Variants in BRCA2 observed in about 807,000 individuals in gnomAD.
BRCA2 encodes breast cancer type 2 susceptibility protein.
A neutral mutation model predicts 276.7 loss-of-function variants in BRCA2; 203 were observed. The ratio of observed to expected loss-of-function variants is 0.73; its 90% confidence interval spans 0.65 to 0.82. The LOEUF (loss-of-function observed/expected upper bound fraction) is 0.82, where lower values mean the gene tolerates loss of function less well. BRCA2 is among the 40% of genes least tolerant of loss of function. The probability of loss-of-function intolerance (pLI) is 0.00; values close to 1 mark genes in which losing one functional copy is unlikely to be tolerated. For synonymous variants in BRCA2, 1,289 were observed against 1,338.4 expected (o/e 0.96, Z 0.81); for missense variants, 3,920 against 3,915.0 (o/e 1.00, Z -0.03).
rs2137499994 is a variant in BRCA2, at chr13:32,338,142, A to G, written c.3787A>G (p.Ser1263Gly). ...AEVHPISLSS[S>G]KCHDSVVSMF... ...GGTACATCCAATAAGTTTATCTTCA[A>G]GTAAATGTCATGATTCTGTTGTTTC... is the stretch of plus-strand genomic sequence containing the variant. Residue 1263 changes from serine to glycine, a missense_variant, in exon 11 of 27, where the codon AGT becomes GGT. Around this residue, in one of 2 missense-constraint regions of BRCA2, gnomAD observed 3,263 missense variants for 3,156.9 expected, o/e 1.03. Transcript: ENST00000380152. The G allele has an allele frequency of 6.2e-7, 1 of 1,602,702 alleles. No individual in the cohort carries two copies. The highest frequency in any genetic ancestry group is 8.5e-7 in the Non-Finnish European group (1 of 1,173,916).
rs992256070 is a variant in BRCA2 at position 32,341,288 on chromosome 13, T to C, written c.6841+92T>C. ...GGTATGCTAACAATTAAGAGTGTTA[T>C]AAACTATGTCTTTTCAGCCATTTTT... is the stretch of plus-strand genomic sequence containing the variant. On this transcript the variant is annotated intron_variant, in intron 11 of 26. Coordinates refer to ENST00000380152, the MANE Select transcript of BRCA2 (RefSeq NM_000059.4). The C allele has an allele frequency of 5.1e-6, 8 of 1,575,358 alleles. No homozygotes were observed. In the Admixed American group the frequency reaches 1.0e-4, roughly 20 times the overall value.
intron 17 of BRCA2, 57 bp from the exon 18 acceptor site, chr13:32,363,122 A>T (rs1380854537): frequency 1.1e-5 from 16 of 1,419,964 alleles, no homozygotes; most frequent in Non-Finnish European, 1.6e-5. Flanking sequence ...ACTTGTTTAA[A>T]CAGTGGAATT....
At position 32,398,339 on chromosome 13, in the gene BRCA2, A is replaced by G. The variant is rs2073051443; in HGVS notation, c.9826A>G (p.Arg3276Gly). ...KKRRALDFLS[R>G]LPLPPPVSPI... ...GAGAAGAGCCTTGGATTTCTTGAGTAGACTGCCTTTACCTCCACCTGTTAG... is the reference window on the plus strand; with the variant it reads ...GAGAAGAGCCTTGGATTTCTTGAGTGGACTGCCTTTACCTCCACCTGTTAG... The change falls in exon 27 of 27, where the codon AGA becomes GGA. Residue 3276 changes from arginine to glycine, a missense_variant. Coordinates refer to ENST00000380152, the MANE Select transcript of BRCA2 (RefSeq NM_000059.4). The G allele has an allele frequency of 6.2e-7, 1 of 1,614,198 alleles. No individual in the cohort carries two copies. The highest frequency in any genetic ancestry group is 8.5e-7 in the Non-Finnish European group (1 of 1,180,016).
chr13:32,316,428 T>C lies in BRCA2; in HGVS notation c.-33T>C, dbSNP rs397507566. ...TTGGTCTTCTGTTTTGCAGACTTAT[T>C]TACCAAGCATTGGAGGAATATCGTA... On this transcript the variant is annotated 5_prime_UTR_variant, in exon 2 of 27. Coordinates refer to ENST00000380152, the MANE Select transcript of BRCA2 (RefSeq NM_000059.4). The C allele has an allele frequency of 6.3e-7, 1 of 1,590,398 alleles. No homozygotes were observed. Among genetic ancestry groups the C allele is most frequent in the Non-Finnish European group, 8.6e-7 (1 of 1,158,658 alleles).
chr13:32,396,566 A>G (rs2073038242), intron 25 of BRCA2, among the ~76,000 whole-genome samples: 1 of 152,234 alleles, frequency 6.6e-6, no homozygotes, highest in Non-Finnish European at 1.5e-5. Context: ...ATTAAGTAGT[A>G]AATAGAGCTA....
chr13:32,316,396 G>C (rs1566214447), intron 1 of BRCA2, 26 bp from the exon 2 acceptor site: 1 of 1,376,716 alleles, frequency 7.3e-7, no homozygotes, highest in East Asian at 2.3e-5. Context: ...CCCTGTGTAA[G>C]TGCATTTTGG....
At chr13:32,349,255 A>G (rs1299482170) in intron 13 of BRCA2, among the ~76,000 whole-genome samples, 3 of 151,264 alleles carry the variant, frequency 2.0e-5, no homozygotes, top group Non-Finnish European at 4.4e-5. Context: ...TGAATTGAAC[A>G]TACTCATATC....
intron 3 of BRCA2, among the ~76,000 whole-genome samples, chr13:32,319,973 T>C (rs2072295848): frequency 6.6e-6 from 1 of 152,190 alleles, no homozygotes; most frequent in East Asian, 1.9e-4. Flanking sequence ...TGGGCAAAGT[T>C]AGGCAATTAT....
chr13:32,391,469 G>T (rs1219434740), intron 24 of BRCA2, among the ~76,000 whole-genome samples: 1 of 152,204 alleles, frequency 6.6e-6, no homozygotes, highest in East Asian at 1.9e-4. Context: ...TTCGACAGAG[G>T]GCAAGTCCAG....
intron 10 of BRCA2, 136 bp downstream of exon 10, chr13:32,333,523 T>G: frequency 1.0e-6 from 1 of 1,003,448 alleles, no homozygotes; most frequent in Non-Finnish European, 1.5e-6. Context: ...CATGATTGTT[T>G]AGGTCTTTAA....
chr13:32,340,653 C>A lies in BRCA2; in HGVS notation c.6298C>A (p.Gln2100Lys), dbSNP rs746661607. The part of the protein sequence containing the change: ...HSLHYSPTSR[Q>K]NVSKILPRVD... ...TCTTCACTATTCACCTACGTCTAGA[C>A]AAAATGTATCAAAAATACTTCCTCG... The change falls in exon 11 of 27, where the codon CAA becomes AAA. Residue 2100 changes from glutamine (Q) to lysine (K), a missense_variant. Around this residue, in one of 2 missense-constraint regions of BRCA2, gnomAD observed 3,263 missense variants for 3,156.9 expected, o/e 1.03. Coordinates refer to ENST00000380152, the MANE Select transcript of BRCA2 (RefSeq NM_000059.4). The A allele has an allele frequency of 6.2e-7, 1 of 1,606,668 alleles. No homozygotes were observed. The highest frequency in any genetic ancestry group is 1.1e-5 in the South Asian group (1 of 89,322).
At chr13:32,342,010 G>A (rs1228012833) in intron 11 of BRCA2, among the ~76,000 whole-genome samples, 1 of 152,118 alleles carries the variant, frequency 6.6e-6, no homozygotes, top group African/African-American at 2.4e-5. Flanking sequence ...TGGCGCTCAT[G>A]CCTGTAATCC....
chr13:32,375,412 CT>C (rs749087668), intron 20 of BRCA2: 8 of 449,552 alleles, frequency 1.8e-5, no homozygotes, highest in South Asian at 1.3e-4. Context: ...TTCTGGTAAA[CT>C]TGTTAATGTT....
rs2072556359 is a variant in BRCA2 at position 32,340,812 on chromosome 13, C to T, written c.6457C>T (p.Pro2153Ser). 6.3e-7 allele frequency: 1 copy of T among 1,589,390 alleles called. No homozygotes were observed. Among genetic ancestry groups the T allele is most frequent in the South Asian group, 1.2e-5 (1 of 85,942 alleles). ...SENNHSIKVS[P>S]YLSQFQQDKQ... Reference sequence around the variant, plus strand: ...AAATAATCACTCTATTAAAGTTTCTCCATATCTCTCTCAATTTCAACAAGA... The same window carrying T: ...AAATAATCACTCTATTAAAGTTTCTTCATATCTCTCTCAATTTCAACAAGA... The change falls in exon 11 of 27, where the codon CCA becomes TCA. Residue 2153 changes from proline to serine, a missense_variant. Pro to Ser is a moderately conservative substitution (Grantham distance 74, BLOSUM62 -1). This residue lies in a region of BRCA2 where 3,263 missense variants were observed against 3,156.9 expected (regional missense o/e 1.03). Transcript: ENST00000380152.
intron 24 of BRCA2, among the ~76,000 whole-genome samples, chr13:32,383,526 C>T (rs1430748545): frequency 6.6e-6 from 1 of 152,072 alleles, no homozygotes; most frequent in African/African-American, 2.4e-5. Flanking sequence ...ATTTTTTCAA[C>T]CGTGTTCAGC....
chr13:32,370,511 A>G lies in BRCA2; in HGVS notation c.8441A>G (p.Asn2814Ser), dbSNP rs1593930427. The G allele has an allele frequency of 3.1e-6, 5 of 1,613,968 alleles. No individual in the cohort carries two copies. The highest frequency in any genetic ancestry group is 4.2e-6 in the Non-Finnish European group (5 of 1,179,862). The change falls in exon 19 of 27, where the codon AAT (asparagine) becomes AGT (serine). Residue 2814 changes from asparagine to serine, a missense_variant. Asn to Ser is a conservative substitution (Grantham distance 46, BLOSUM62 1). Around this residue, in one of 2 missense-constraint regions of BRCA2, gnomAD observed 657 missense variants for 758.2 expected, o/e 0.87. Coordinates refer to ENST00000380152, the MANE Select transcript of BRCA2 (RefSeq NM_000059.4). ...TCATCGCTTTTCAGTGATGGAGGAA[A>G]TGTTGGTTGTGTTGATGTAATTATT... ...PLSSLFSDGG[N>S]VGCVDVIIQR...
At position 32,332,134 on chromosome 13, in the gene BRCA2, T is replaced by C. The variant is rs1308625154; in HGVS notation, c.794-138T>C. On this transcript the variant is annotated intron_variant, in intron 9 of 26. Coordinates refer to ENST00000380152, the MANE Select transcript of BRCA2 (RefSeq NM_000059.4). ...GACCGAAAAATAAAATGCCAAGTACTCAGAATAACCCTTTAAATACTGATA... is the reference window on the plus strand; with the variant it reads ...GACCGAAAAATAAAATGCCAAGTACCCAGAATAACCCTTTAAATACTGATA... 4.8e-6 allele frequency: 4 copies of C among 841,090 alleles called. No homozygotes were observed. The Admixed American group carries it at 1.5e-4, about 31-fold the overall frequency. 52.1% of individuals were successfully genotyped at this position (841,090 alleles called of 1,614,324 possible). A position where few individuals can be genotyped will look rare whatever the true frequency, so the allele number is the denominator to read the frequency against.
At chr13:32,318,353 C>T (rs2072278458) in intron 2 of BRCA2, among the ~76,000 whole-genome samples, 1 of 152,122 alleles carries the variant, frequency 6.6e-6, no homozygotes, top group Non-Finnish European at 1.5e-5. Context: ...ATGTGAGAGT[C>T]CACATGTTCC....
chr13:32,397,659 G>A (rs865963922), intron 26 of BRCA2, among the ~76,000 whole-genome samples: 7 of 152,090 alleles, frequency 4.6e-5, no homozygotes, highest in African/African-American at 1.4e-4. Context: ...TTGACTTAAA[G>A]TCACAGTTTC....
Sources: gnomAD v4.1 joint callset for allele counts (sites outside exome capture counted in the v4.1 genomes callset) on GRCh38, gnomAD v4.1.1 for gene constraint, gnomAD v4.1.1 regional missense constraint, MANE v1.5 for transcripts, NCBI Gene and HGNC (gene_info 2026-07-23, HGNC 2026-07-21) for gene names.